Variants in PLCB1 observed in about 807,000 individuals in gnomAD.
PLCB1 encodes the protein 1-phosphatidylinositol 4,5-bisphosphate phosphodiesterase beta-1.
In PLCB1, 46 loss-of-function variants were observed where a neutral mutation model predicts 161.8. That is an observed-to-expected ratio of 0.28 (90% CI 0.22 to 0.36). The LOEUF (loss-of-function observed/expected upper bound fraction) is 0.36, where lower values mean the gene tolerates loss of function less well. Ranked by LOEUF, PLCB1 falls within the 10% of genes least tolerant of loss-of-function variation. PLCB1 has a pLI of 1.00. For missense variants in PLCB1, 1,016 were observed against 1,472.5 expected (o/e 0.69, Z 5.07); for synonymous variants, 517 against 503.7 (o/e 1.03, Z -0.35).
At position 8,737,093 on chromosome 20, in the gene PLCB1, T is replaced by A. The variant is rs775539625; in HGVS notation, c.2109T>A (p.Gly703=). The change falls in exon 20 of 32, where the codon GGT becomes GGA. Residue 703 remains glycine (G), a synonymous_variant. Coordinates refer to ENST00000338037, the MANE Select transcript of PLCB1 (RefSeq NM_015192.4). ...CTTACGTGGAAGTAGATATGTTTGG[T>A]TTGCCTGTGGATACAAGGAGGAAGG... ...VGTYVEVDMF[G]LPVDTRRKAF... is the part of the protein sequence containing the mutation. The A allele has an allele frequency of 6.2e-7, 1 of 1,613,732 alleles. No individual in the cohort carries two copies. The highest frequency in any genetic ancestry group is 1.7e-5 in the Admixed American group (1 of 60,014).
chr20:8,673,000 T>C (rs1209014820), intron 9 of PLCB1, among the ~76,000 whole-genome samples: 1 of 151,960 alleles, frequency 6.6e-6, no homozygotes, highest in Non-Finnish European at 1.5e-5. Context: ...TAATCCCAGC[T>C]ACTCAGGAGG....
intron 3 of PLCB1, among the ~76,000 whole-genome samples, chr20:8,535,315 A>G (rs1985010322): frequency 6.6e-6 from 1 of 151,412 alleles, no homozygotes; most frequent in African/African-American, 2.4e-5. Flanking sequence ...TGCAATTATT[A>G]TATATTAAAC....
intron 3 of PLCB1, among the ~76,000 whole-genome samples, chr20:8,440,580 G>A (rs1038242527): frequency 1.3e-5 from 2 of 152,234 alleles, no homozygotes; most frequent in Middle Eastern, 3.4e-3. Flanking sequence ...GCTTACCCAT[G>A]TTTCCATATA....
In PLCB1 at chr20:8,774,694, A is replaced by G. The variant is rs1188524170; in HGVS notation, c.3086A>G (p.Tyr1029Cys). 1.2e-6 allele frequency: 2 copies of G among 1,608,344 alleles called. No individual in the cohort carries two copies. Among genetic ancestry groups the G allele is most frequent in the Admixed American group, 1.7e-5 (1 of 59,940 alleles). The stretch of plus-strand genomic sequence containing the variant: ...CAAGAACAGTATTATAGTGAAAAAT[A>G]CCAGAAGCGAGAACATATTAAACTG... The part of the protein sequence containing the change: ...LRQEQYYSEK[Y>C]QKREHIKLLI... Residue 1029 changes from tyrosine to cysteine, a missense_variant, in exon 27 of 32, where the codon TAC (tyrosine) becomes TGC (cysteine). Tyr to Cys is a radical substitution (Grantham distance 194, BLOSUM62 -2). Around this residue, in one of 10 missense-constraint regions of PLCB1, gnomAD observed 398 missense variants for 445.4 expected, o/e 0.89. Coordinates refer to ENST00000338037, the MANE Select transcript of PLCB1 (RefSeq NM_015192.4).
At chr20:8,799,228 G>A (rs1023263515) in intron 31 of PLCB1, among the ~76,000 whole-genome samples, 4 of 152,178 alleles carry the variant, frequency 2.6e-5, no homozygotes, top group Admixed American at 2.0e-4. Flanking sequence ...AGAGGGCAGA[G>A]GCTCAGAAGA....
At chr20:8,645,549 G>C (rs1705643297) in intron 4 of PLCB1, among the ~76,000 whole-genome samples, 1 of 152,154 alleles carries the variant, frequency 6.6e-6, no homozygotes, top group Non-Finnish European at 1.5e-5. Context: ...CTGGTATGAG[G>C]TAGGGATTAT....
chr20:8,662,417 T>G (rs1343849534), intron 9 of PLCB1, among the ~76,000 whole-genome samples: 1 of 127,654 alleles, frequency 7.8e-6, no homozygotes, highest in Non-Finnish European at 1.6e-5. Context: ...ATGTATAATA[T>G]ATAATTATTT....
intron 3 of PLCB1, among the ~76,000 whole-genome samples, chr20:8,436,161 C>A (rs1320038341): frequency 6.6e-6 from 1 of 151,850 alleles, no homozygotes; most frequent in Admixed American, 6.6e-5. Context: ...CATGACGAAA[C>A]CTGTCTCTAC....
At chr20:8,333,938 G>A (rs1985463179) in intron 2 of PLCB1, among the ~76,000 whole-genome samples, 1 of 152,206 alleles carries the variant, frequency 6.6e-6, no homozygotes, top group African/African-American at 2.4e-5. Flanking sequence ...GGCCTGGCGC[G>A]GTGGCTCACG....
chr20:8,149,463 C>T (rs2051486776), intron 1 of PLCB1, among the ~76,000 whole-genome samples: 1 of 152,100 alleles, frequency 6.6e-6, no homozygotes, highest in Admixed American at 6.5e-5. Flanking sequence ...ATTTTCATTA[C>T]AAGTTCTTTT....
intron 31 of PLCB1, among the ~76,000 whole-genome samples, chr20:8,850,199 T>C (rs1044902117): frequency 6.6e-6 from 1 of 152,176 alleles, no homozygotes; most frequent in South Asian, 2.1e-4. Flanking sequence ...ATGTCTGTCA[T>C]AGCCAGAGCA....
At chr20:8,840,692 T>A (rs945982814) in intron 31 of PLCB1, among the ~76,000 whole-genome samples, 6 of 152,192 alleles carry the variant, frequency 3.9e-5, no homozygotes, top group Non-Finnish European at 8.8e-5. Context: ...CTCCACTGAT[T>A]TCATTTTCTA....
At chr20:8,551,214 G>GA (rs199743495) in intron 3 of PLCB1, among the ~76,000 whole-genome samples, 3 of 151,658 alleles carry the variant, frequency 2.0e-5, no homozygotes, top group Non-Finnish European at 2.9e-5. Flanking sequence ...AAAATATGAG[G>GA]AAAAAAAACA....
chr20:8,697,803 C>G lies in PLCB1; in HGVS notation c.1167+20C>G. 1 of 1,610,446 alleles carries G rather than the reference C, an allele frequency of 6.2e-7. No individual in the cohort carries two copies. The highest frequency in any genetic ancestry group is 8.5e-7 in the Non-Finnish European group (1 of 1,177,264). On this transcript the variant is annotated intron_variant, in intron 11 of 31. Transcript: ENST00000338037. The stretch of plus-strand genomic sequence containing the variant: ...TTCAAGGTAGAGTATATGAATGTTA[C>G]TAAGAGAGGCAGCTGGAGACACCTG...
chr20:8,431,974 G>T (rs1379466461), intron 3 of PLCB1, among the ~76,000 whole-genome samples: 1 of 151,798 alleles, frequency 6.6e-6, no homozygotes, highest in Non-Finnish European at 1.5e-5. Context: ...CCTTCTTTTG[G>T]CTTGTCGGCA....
At chr20:8,818,978 T>C (rs1447480238) in intron 31 of PLCB1, among the ~76,000 whole-genome samples, 2 of 151,794 alleles carry the variant, frequency 1.3e-5, no homozygotes, top group East Asian at 3.9e-4. Flanking sequence ...CAAATTGATC[T>C]ATAGATTAAA....
intron 31 of PLCB1, among the ~76,000 whole-genome samples, chr20:8,858,679 C>T (rs904766463): frequency 8.6e-5 from 13 of 151,946 alleles, no homozygotes; most frequent in Non-Finnish European, 1.3e-4. Flanking sequence ...TTCATAGCTT[C>T]GAGTCCTAAA....
intron 31 of PLCB1, among the ~76,000 whole-genome samples, chr20:8,852,443 G>A (rs1160024388): frequency 1.3e-5 from 2 of 152,108 alleles, no homozygotes; most frequent in Non-Finnish European, 2.9e-5. Context: ...CTGACATCAG[G>A]GCCTCTGTCC....
At chr20:8,830,773 G>A (rs909963334) in intron 31 of PLCB1, among the ~76,000 whole-genome samples, 3 of 152,092 alleles carry the variant, frequency 2.0e-5, no homozygotes, top group African/African-American at 7.2e-5. Context: ...GCATCAGTAT[G>A]TCTGGGCAGG....
Sources: gnomAD v4.1 joint callset for allele counts (sites outside exome capture counted in the v4.1 genomes callset) on GRCh38, gnomAD v4.1.1 for gene constraint, gnomAD v4.1.1 regional missense constraint, MANE v1.5 for transcripts, NCBI Gene and HGNC (gene_info 2026-07-23, HGNC 2026-07-21) for gene names.